TNFSF4: variants seen among roughly 807,000 people sequenced by gnomAD.
TNFSF4 encodes tumor necrosis factor ligand superfamily member 4.
TNFSF4 carries 4 observed loss-of-function variants against 7.3 expected under a neutral mutation model. That is an observed-to-expected ratio of 0.55 (90% CI 0.27 to 1.25). TNFSF4 has a LOEUF of 1.25. TNFSF4 is among the 50% of genes most tolerant of loss of function. TNFSF4 has a pLI of 0.12. For missense variants in TNFSF4, 181 were observed against 208.8 expected, an observed-to-expected ratio of 0.87 and a Z score of 0.82; for synonymous variants, 76 against 83.7, an observed-to-expected ratio of 0.91 and a Z score of 0.50.
the TNFSF4 span, among the ~76,000 whole-genome samples, chr1:173,378,859 G>A: frequency 4.7e-5 from 6 of 126,584 alleles, no homozygotes; most frequent in African/African-American, 1.8e-4. Context: ...AATACCCAAG[G>A]GACCACAAGA....
chr1:173,443,767 C>T, the TNFSF4 span, among the ~76,000 whole-genome samples: 1 of 152,112 alleles, frequency 6.6e-6, no homozygotes, highest in Admixed American at 6.6e-5. Context: ...CTTGCTCCAC[C>T]AATATCATAG....
At chr1:173,358,208 T>C in the TNFSF4 span, among the ~76,000 whole-genome samples, 31,284 of 152,052 alleles carry the variant, frequency 0.21, 3,502 homozygotes, top group Non-Finnish European at 0.26. Context: ...TTCTTGAAGC[T>C]AGAAAAACAC....
chr1:173,192,129 A>T (rs1405079800), intron 1 of TNFSF4, among the ~76,000 whole-genome samples: 1 of 152,206 alleles, frequency 6.6e-6, no homozygotes, highest in Non-Finnish European at 1.5e-5. Flanking sequence ...GTGAGCCAAG[A>T]TCACACCACT....
At chr1:173,375,617 G>T in the TNFSF4 span, among the ~76,000 whole-genome samples, 1 of 149,438 alleles carries the variant, frequency 6.7e-6, no homozygotes, top group Non-Finnish European at 1.5e-5. Context: ...ACCAATCAGT[G>T]CTCTGTAAAA....
the TNFSF4 span, among the ~76,000 whole-genome samples, chr1:173,353,330 A>G: frequency 6.6e-6 from 1 of 152,226 alleles, no homozygotes; most frequent in Non-Finnish European, 1.5e-5. Flanking sequence ...AAAAGTACTA[A>G]TTTGGAGAAC....
At chr1:173,232,048 T>A in the TNFSF4 span, among the ~76,000 whole-genome samples, 2 of 152,292 alleles carry the variant, frequency 1.3e-5, no homozygotes, top group South Asian at 4.1e-4. Flanking sequence ...AATCTATAAA[T>A]TACCCTGGGC....
chr1:173,188,632 A>T, intron 1 of TNFSF4, 63 bp from the exon 2 acceptor site: 1 of 1,368,376 alleles, frequency 7.3e-7, no homozygotes, highest in Non-Finnish European at 1.0e-6. Flanking sequence ...TTCGCAAGTC[A>T]TATTTAATGG....
At chr1:173,287,412 T>C in the TNFSF4 span, among the ~76,000 whole-genome samples, 2 of 152,172 alleles carry the variant, frequency 1.3e-5, no homozygotes, top group African/African-American at 2.4e-5. Flanking sequence ...AATTAAAATA[T>C]AGACAATGCC....
At chr1:173,179,493 G>T (rs1014851221), downstream of TNFSF4, among the ~76,000 whole-genome samples, 1 of 152,080 alleles carries the variant, frequency 6.6e-6, no homozygotes, top group Admixed American at 6.5e-5. Flanking sequence ...ACCCCTTGTC[G>T]ACTTGACATC....
chr1:173,448,931 A>G, the TNFSF4 span, among the ~76,000 whole-genome samples: 1 of 152,206 alleles, frequency 6.6e-6, no homozygotes, highest in African/African-American at 2.4e-5. Flanking sequence ...GTAAATCTCC[A>G]AATATTTGGA....
chr1:173,285,385 A>G, the TNFSF4 span, among the ~76,000 whole-genome samples: 46 of 152,184 alleles, frequency 3.0e-4, 1 homozygote, highest in Non-Finnish European at 5.9e-5. Context: ...TGCTGTGAAC[A>G]TTGTTGAAAT....
the TNFSF4 span, among the ~76,000 whole-genome samples, chr1:173,250,844 A>G: frequency 6.6e-6 from 1 of 152,310 alleles, no homozygotes; most frequent in East Asian, 1.9e-4. Context: ...GGCTTTTAAG[A>G]TCAAATGTCT....
chr1:173,363,605 C>A, the TNFSF4 span: 1 of 473,056 alleles, frequency 2.1e-6, no homozygotes, highest in South Asian at 1.8e-5. Context: ...TGTCGTAGAT[C>A]ACTCTTAAGG....
rs1324078203 is a variant in TNFSF4, at chr1:173,188,580, AAG to A, written c.154-13_154-12del. On this transcript the variant is annotated splice_polypyrimidine_tract_variant and intron_variant, in intron 1 of 2. Transcript: ENST00000281834. ...ATACCGATGTGATACCTGAGGGAGG[AAG>A]AAAGACATATTCTTAGGAAAAAAAC... The A allele has an allele frequency of 6.2e-7, 1 of 1,608,160 alleles. No homozygotes were observed. Among genetic ancestry groups the A allele is most frequent in the East Asian group, 2.2e-5 (1 of 44,828 alleles).
the TNFSF4 span, among the ~76,000 whole-genome samples, chr1:173,271,863 A>G: frequency 6.6e-6 from 1 of 152,170 alleles, no homozygotes; most frequent in Non-Finnish European, 1.5e-5. Flanking sequence ...TACCCAAAGG[A>G]TTATAAATCA....
chr1:173,181,414 G>A (rs1258094411), downstream of TNFSF4, among the ~76,000 whole-genome samples: 2 of 152,164 alleles, frequency 1.3e-5, no homozygotes, highest in African/African-American at 2.4e-5. Context: ...CAGGACTCCA[G>A]GGAAATCCAA....
the TNFSF4 span, among the ~76,000 whole-genome samples, chr1:173,292,300 T>G: frequency 1.6e-3 from 247 of 152,322 alleles, no homozygotes; most frequent in African/African-American, 5.5e-3. Context: ...CAAGTAGACT[T>G]TATTTCTGAA....
chr1:173,325,886 C>A, the TNFSF4 span, among the ~76,000 whole-genome samples: 1 of 152,118 alleles, frequency 6.6e-6, no homozygotes, highest in South Asian at 2.1e-4. Context: ...AGCTTACCAA[C>A]CAAAAAAAGC....
At chr1:173,320,932 C>T in the TNFSF4 span, among the ~76,000 whole-genome samples, 2 of 152,088 alleles carry the variant, frequency 1.3e-5, no homozygotes, top group Admixed American at 1.3e-4. Flanking sequence ...ATTGCTATTC[C>T]CAATAAGCTA....
Sources: gnomAD v4.1 joint callset for allele counts (sites outside exome capture counted in the v4.1 genomes callset) on GRCh38, gnomAD v4.1.1 for gene constraint, MANE v1.5 for transcripts, NCBI Gene and HGNC (gene_info 2026-07-23, HGNC 2026-07-21) for gene names.